THSD4: variants seen among roughly 807,000 people sequenced by gnomAD.
The protein encoded by THSD4 is thrombospondin type 1 domain containing 4.
A neutral mutation model predicts 119.0 loss-of-function variants in THSD4; 69 were observed. The observed-to-expected ratio is 0.58, with a 90% confidence interval of 0.48 to 0.71. The LOEUF is 0.71. THSD4 is among the 30% of genes least tolerant of loss of function. The pLI is 0.00. For missense variants in THSD4, 1,393 were observed against 1,391.1 expected (o/e 1.00, Z -0.02); for synonymous variants, 524 against 540.4 (o/e 0.97, Z 0.42).
intron 3 of THSD4, among the ~76,000 whole-genome samples, chr15:71,182,331 A>G (rs1403526451): frequency 6.6e-6 from 1 of 151,774 alleles, no homozygotes; most frequent in Non-Finnish European, 1.5e-5. Flanking sequence ...TAAATTTGTT[A>G]TTAGTGTCTG....
intron 6 of THSD4, among the ~76,000 whole-genome samples, chr15:71,311,691 TAATAA>T (rs1567191243): frequency 1.3e-5 from 2 of 152,328 alleles, no homozygotes; most frequent in East Asian, 3.9e-4. Flanking sequence ...GTGTATCATA[TAATAA>T]AATCTGTTTT....
chr15:71,142,241 G>T (rs574583402), intron 2 of THSD4, among the ~76,000 whole-genome samples: 18 of 151,930 alleles, frequency 1.2e-4, no homozygotes, highest in African/African-American at 3.9e-4. Flanking sequence ...TGCGTGGCAA[G>T]TTGAGTAAGT....
intron 8 of THSD4, among the ~76,000 whole-genome samples, chr15:71,678,649 C>A (rs1168227549): frequency 2.0e-5 from 3 of 152,190 alleles, no homozygotes; most frequent in Non-Finnish European, 4.4e-5. Context: ...TCATCATGAA[C>A]CGCCTTTATT....
chr15:71,299,266 A>G (rs2044911612), intron 6 of THSD4, among the ~76,000 whole-genome samples: 1 of 152,200 alleles, frequency 6.6e-6, no homozygotes, highest in African/African-American at 2.4e-5. Flanking sequence ...TTCGATATTC[A>G]ACTATTTACA....
chr15:71,320,454 T>G (rs1411858761), intron 6 of THSD4, among the ~76,000 whole-genome samples: 1 of 152,202 alleles, frequency 6.6e-6, no homozygotes, highest in Non-Finnish European at 1.5e-5. Flanking sequence ...AGCTGAACTC[T>G]CCTTTGGATC....
intron 7 of THSD4, among the ~76,000 whole-genome samples, chr15:71,491,166 G>A (rs1272515157): frequency 6.6e-6 from 1 of 152,190 alleles, no homozygotes; most frequent in East Asian, 1.9e-4. Flanking sequence ...CTACTAAAAT[G>A]TGAAAACATG....
chr15:71,366,204 G>T (rs1369690370), intron 6 of THSD4, among the ~76,000 whole-genome samples: 2 of 152,162 alleles, frequency 1.3e-5, no homozygotes, highest in African/African-American at 4.8e-5. Context: ...CTCCCCAGCA[G>T]CTGGGACTAC....
At chr15:71,488,594 C>T (rs1241010515) in intron 7 of THSD4, among the ~76,000 whole-genome samples, 2 of 151,926 alleles carry the variant, frequency 1.3e-5, no homozygotes, top group African/African-American at 4.8e-5. Flanking sequence ...GGAGATTAGC[C>T]TGTTTAGATT....
chr15:71,622,820 A>G (rs913934965), intron 7 of THSD4, among the ~76,000 whole-genome samples: 1 of 152,298 alleles, frequency 6.6e-6, no homozygotes, highest in Middle Eastern at 3.4e-3. Context: ...GAAATGCAGG[A>G]TACTGTTAGG....
chr15:71,679,832 A>G (rs1453932331), intron 8 of THSD4, among the ~76,000 whole-genome samples: 3 of 152,198 alleles, frequency 2.0e-5, no homozygotes, highest in Non-Finnish European at 4.4e-5. Flanking sequence ...TGCTGTAAAA[A>G]GGCCTGGCCT....
chr15:71,367,036 A>G (rs1276423901), intron 6 of THSD4, among the ~76,000 whole-genome samples: 2 of 152,170 alleles, frequency 1.3e-5, no homozygotes, highest in South Asian at 2.1e-4. Context: ...AAGGGATTCA[A>G]GAGTCGTTAG....
At chr15:71,675,277 A>G (rs2051619268) in intron 8 of THSD4, among the ~76,000 whole-genome samples, 1 of 152,254 alleles carries the variant, frequency 6.6e-6, no homozygotes, top group Non-Finnish European at 1.5e-5. Flanking sequence ...CAGAAAAAAA[A>G]GAAAAGCAAA....
At chr15:71,571,528 C>T (rs34708704) in intron 7 of THSD4, among the ~76,000 whole-genome samples, 26,179 of 152,160 alleles carry the variant, frequency 0.17, 2,583 homozygotes, top group Non-Finnish European at 0.22. Flanking sequence ...GTTCCCACTG[C>T]ATTAAGGCAA....
intron 6 of THSD4, among the ~76,000 whole-genome samples, chr15:71,293,280 A>G (rs1343632037): frequency 1.3e-5 from 2 of 152,028 alleles, no homozygotes; most frequent in Non-Finnish European, 2.9e-5. Context: ...CATTATGTAG[A>G]TGGTTTTCCT....
intron 6 of THSD4, among the ~76,000 whole-genome samples, chr15:71,257,033 T>C (rs1003903024): frequency 1.3e-5 from 2 of 152,098 alleles, no homozygotes; most frequent in African/African-American, 4.8e-5. Flanking sequence ...AAACATAAAG[T>C]TGTGAGCCGT....
intron 8 of THSD4, among the ~76,000 whole-genome samples, chr15:71,718,331 G>T (rs2052649169): frequency 6.6e-6 from 1 of 152,118 alleles, no homozygotes; most frequent in Non-Finnish European, 1.5e-5. Flanking sequence ...AATTCCTTCT[G>T]AAGGGCAGAC....
At chr15:71,350,828 A>G (rs938578562) in intron 6 of THSD4, among the ~76,000 whole-genome samples, 1 of 152,210 alleles carries the variant, frequency 6.6e-6, no homozygotes, top group African/African-American at 2.4e-5. Flanking sequence ...GTGCAAGTGT[A>G]TCATTCCAGG....
At chr15:71,485,033 C>A (rs574988453) in intron 7 of THSD4, among the ~76,000 whole-genome samples, 3 of 152,126 alleles carry the variant, frequency 2.0e-5, no homozygotes, top group Admixed American at 2.0e-4. Flanking sequence ...GTTGTTTCTC[C>A]GCCCTTTCCC....
chr15:71,269,912 C>T (rs765670225), intron 6 of THSD4, among the ~76,000 whole-genome samples: 17 of 152,124 alleles, frequency 1.1e-4, no homozygotes, highest in Non-Finnish European at 2.5e-4. Context: ...AGGACCTCTT[C>T]AAGGAGAACT....
Sources: allele counts gnomAD v4.1 joint callset (sites outside exome capture counted in the v4.1 genomes callset), GRCh38; gene constraint gnomAD v4.1.1; transcripts MANE v1.5; gene names NCBI Gene and HGNC (gene_info 2026-07-23, HGNC 2026-07-21).